The following CFAP47 variants were observed in gnomAD, a reference collection of about 807,000 sequenced individuals.
CFAP47 encodes cilia- and flagella-associated protein 47.
Under a neutral mutation model 148.1 loss-of-function variants are expected in CFAP47, and 29 were observed. The observed-to-expected ratio is 0.20, with a 90% CI of 0.15 to 0.27. The LOEUF (loss-of-function observed/expected upper bound fraction) is 0.27. CFAP47 is among the 10% of genes least tolerant of loss of function. The probability of loss-of-function intolerance (pLI) is 1.00; values close to 1 mark genes in which losing one functional copy is unlikely to be tolerated. For synonymous variants in CFAP47, 664 were observed against 577.3 expected, an observed-to-expected ratio of 1.15 and a Z score of -2.15; for missense variants, 1,872 against 1,697.5, an observed-to-expected ratio of 1.10 and a Z score of -1.81.
chrX:35,970,868 G>A lies in CFAP47; in HGVS notation c.1915G>A (p.Ala639Thr). 8.4e-7 allele frequency: 1 copy of A among 1,190,121 alleles called. No individual in the cohort carries two copies. The change falls in exon 11 of 64, where the codon GCA (alanine) becomes ACA (threonine). Residue 639 changes from alanine (A) to threonine (T), a missense_variant. By Grantham distance (58) the Ala-to-Thr change is moderately conservative. Coordinates refer to ENST00000378653, the MANE Select transcript of CFAP47 (RefSeq NM_001304548.2). The stretch of plus-strand genomic sequence containing the variant: ...AAAGAAATTACATGAAAACTATTAT[G>A]CAATGTATCTTAAATATTTAAGAAG... Reference protein sequence around the residue: ...QQKKLHENYYAMYLKYLRSVR... With the variant: ...QQKKLHENYYTMYLKYLRSVR...
At chrX:36,030,201 G>T (rs1204073701) in intron 22 of CFAP47, among the ~76,000 whole-genome samples, 1 of 110,928 alleles carries the variant, frequency 9.0e-6, no homozygotes, top group Admixed American at 9.7e-5. Context: ...TGGGAAATTA[G>T]TCTGTGATCT....
rs782535760 is a variant in CFAP47 at position 36,314,829 on chromosome X, A to G, written c.8344+3840A>G. 2.7e-5 allele frequency among the ~76,000 whole-genome samples: 3 copies of G among 111,992 alleles called. No individual in the cohort carries two copies. In the South Asian group the frequency reaches 1.1e-3, roughly 42 times the overall value. ...AAGGAATCCAACTTTTATCCTTTAG[A>G]TAATGAGAGTTTTCAAAAGATTACC... is the stretch of plus-strand genomic sequence containing the variant. On this transcript the variant is annotated intron_variant, in intron 56 of 63. Coordinates refer to ENST00000378653, the MANE Select transcript of CFAP47 (RefSeq NM_001304548.2).
chrX:36,345,510 C>A (rs184361269), intron 57 of CFAP47, among the ~76,000 whole-genome samples: 178 of 111,553 alleles, frequency 1.6e-3, no homozygotes, highest in African/African-American at 5.5e-3. Flanking sequence ...AATGCTCACC[C>A]ACCTGCTGCT....
chrX:36,252,152 C>T (rs1206583069), intron 49 of CFAP47, among the ~76,000 whole-genome samples: 1 of 110,681 alleles, frequency 9.0e-6, no homozygotes, highest in Non-Finnish European at 1.9e-5. Context: ...GTGGATACAA[C>T]TTTAGAAGTG....
intron 40 of CFAP47, among the ~76,000 whole-genome samples, chrX:36,184,897 C>T (rs1438213998): frequency 5.5e-5 from 6 of 108,292 alleles, no homozygotes; most frequent in African/African-American, 2.0e-4. Flanking sequence ...TGTGCCATTG[C>T]ACTCCAGCCT....
In CFAP47 at chrX:35,975,766, C is replaced by G; in HGVS notation, c.2566C>G (p.Leu856Val). The change falls in exon 15 of 64, where the codon CTA becomes GTA. Residue 856 changes from leucine (L) to valine (V), a missense_variant. Transcript: ENST00000378653. ...PVTLELSSNE[L>V]VLRPRGFFMK... ...AACACTTGAGCTATCTTCTAATGAG[C>G]TAGTATTGAGACCACGAGGCTTCTT... 8.3e-7 allele frequency: 1 copy of G among 1,209,841 alleles called. No homozygotes were observed. Among genetic ancestry groups the G allele is most frequent in the Non-Finnish European group, 1.1e-6 (1 of 894,000 alleles).
intron 58 of CFAP47, 43 bp from the exon 59 acceptor site, chrX:36,349,995 G>T (rs1228714691): frequency 1.2e-6 from 1 of 806,948 alleles, no homozygotes; most frequent in Non-Finnish European, 1.8e-6. Flanking sequence ...TTAATATGGA[G>T]TTTCTCCTTT....
rs1346504359 is a variant in CFAP47 at position 35,923,798 on chromosome X, G to A, written c.250-2219G>A. On this transcript the variant is annotated intron_variant, in intron 1 of 63. Transcript: ENST00000378653. ...TTGCACCACTGCACTCCAGCCTGGC[G>A]ACAGAACGAGAATCCGTCTGAAAAA... Among the ~76,000 whole-genome samples the A allele has an allele frequency of 4.8e-5, 5 of 104,274 alleles. 1 individual carries two copies. Among genetic ancestry groups the A allele is most frequent in the Admixed American group, 3.2e-4 (3 of 9,433 alleles). 90.5% of individuals were successfully genotyped at this position (104,274 alleles called of 115,157 possible).
chrX:36,215,926 C>T (rs1385018581), intron 45 of CFAP47, among the ~76,000 whole-genome samples: 2 of 111,824 alleles, frequency 1.8e-5, no homozygotes, highest in East Asian at 2.8e-4. Context: ...TTATTTCAGA[C>T]CATGGTACCT....
At chrX:36,275,285 G>A (rs1941002915) in intron 49 of CFAP47, among the ~76,000 whole-genome samples, 1 of 109,444 alleles carries the variant, frequency 9.1e-6, no homozygotes. Flanking sequence ...TGTTGCTCAG[G>A]CTGGTCTTGA....
At chrX:36,276,201 C>G (rs1369242296) in intron 49 of CFAP47, among the ~76,000 whole-genome samples, 1 of 110,530 alleles carries the variant, frequency 9.0e-6, no homozygotes, top group Non-Finnish European at 1.9e-5. Flanking sequence ...GTAGGGATAA[C>G]ATTTAATATA....
rs782811518 is a variant in CFAP47, at chrX:36,312,074, A to C, written c.8344+1085A>C. On this transcript the variant is annotated intron_variant, in intron 56 of 63. Coordinates refer to ENST00000378653, the MANE Select transcript of CFAP47 (RefSeq NM_001304548.2). Reference sequence around the variant, plus strand: ...TTTAAGATGGAAAAGACTTGAGCATATGTATAAGCAGAAGGGAGAAGCCAG... The same window carrying C: ...TTTAAGATGGAAAAGACTTGAGCATCTGTATAAGCAGAAGGGAGAAGCCAG... Among the ~76,000 whole-genome samples, 3 of 111,054 alleles carry C rather than the reference A, an allele frequency of 2.7e-5. No individual in the cohort carries two copies. The South Asian group carries it at 1.1e-3, about 41-fold the overall frequency.
chrX:36,268,191 GC>G (rs1940917769), intron 49 of CFAP47, among the ~76,000 whole-genome samples: 1 of 113,607 alleles, frequency 8.8e-6, no homozygotes, highest in African/African-American at 3.2e-5. Flanking sequence ...CTGGCATACA[GC>G]TGCAGGTGTC....
At chrX:36,265,535 A>T (rs782708770) in intron 49 of CFAP47, among the ~76,000 whole-genome samples, 1 of 111,703 alleles carries the variant, frequency 9.0e-6, no homozygotes, top group Non-Finnish European at 1.9e-5. Context: ...GATATTGGCT[A>T]TAGATTTGTT....
chrX:36,328,346 A>G (rs1941534353), intron 57 of CFAP47, among the ~76,000 whole-genome samples: 1 of 112,040 alleles, frequency 8.9e-6, no homozygotes, highest in African/African-American at 3.2e-5. Flanking sequence ...ATGTTTATTG[A>G]TTGGAACACC....
At chrX:36,182,710 A>G (rs1034141535) in intron 40 of CFAP47, among the ~76,000 whole-genome samples, 3 of 111,001 alleles carry the variant, frequency 2.7e-5, no homozygotes, top group Admixed American at 9.5e-5. Flanking sequence ...AAATCCTAGT[A>G]TAATCTCTAT....
chrX:36,176,772 G>C (rs1939687675), intron 39 of CFAP47, among the ~76,000 whole-genome samples: 1 of 111,872 alleles, frequency 8.9e-6, no homozygotes, highest in Admixed American at 9.5e-5. Context: ...GCGCATGGTG[G>C]CATGCACCTG....
intron 32 of CFAP47, among the ~76,000 whole-genome samples, chrX:36,101,722 T>A (rs1938379619): frequency 9.0e-6 from 1 of 111,695 alleles, no homozygotes; most frequent in Non-Finnish European, 1.9e-5. Flanking sequence ...AACTGACAAT[T>A]GATTCTTTTC....
rs895075888 is a variant in CFAP47, at chrX:36,336,941, T to G, written c.8444-11188T>G. Among the ~76,000 whole-genome samples, 3 of 112,170 alleles carry G rather than the reference T, an allele frequency of 2.7e-5. No individual in the cohort carries two copies. The East Asian group carries it at 8.3e-4, about 31-fold the overall frequency. The stretch of plus-strand genomic sequence containing the variant: ...TAATTGTCATGGAAGTTTATCAAAT[T>G]ACATTGGCAGCTAAGCATGGTTTCA... On this transcript the variant is annotated intron_variant, in intron 57 of 63. Transcript: ENST00000378653.
Sources: gnomAD v4.1 joint callset for allele counts (sites outside exome capture counted in the v4.1 genomes callset) on GRCh38, gnomAD v4.1.1 for gene constraint, MANE v1.5 for transcripts, NCBI Gene and HGNC (gene_info 2026-07-23, HGNC 2026-07-21) for gene names.